Variants in ZNF746 observed in about 807,000 individuals in gnomAD.
ZNF746 encodes the protein parkin-interacting substrate.
In ZNF746, 13 loss-of-function variants were observed where a neutral mutation model predicts 41.0. The ratio of observed to expected loss-of-function variants is 0.32; its 90% CI spans 0.21 to 0.50. The LOEUF is 0.50. Ranked by LOEUF, ZNF746 falls within the 20% of genes least tolerant of loss-of-function variation. The probability of loss-of-function intolerance (pLI) is 0.98; values close to 1 mark genes in which losing one functional copy is unlikely to be tolerated. For synonymous variants in ZNF746, 424 were observed against 396.2 expected, an observed-to-expected ratio of 1.07 and a Z score of -0.83; for missense variants, 811 against 922.9, an observed-to-expected ratio of 0.88 and a Z score of 1.57.
intron 6 of ZNF746, 78 bp downstream of exon 6, chr7:149,476,844 G>A (rs1277651027): frequency 6.2e-7 from 1 of 1,602,166 alleles, no homozygotes; most frequent in East Asian, 2.2e-5. Flanking sequence ...CAGTTCACCA[G>A]TGAAAATGGG....
At position 149,474,754 on chromosome 7, in the gene ZNF746, G is replaced by A; in HGVS notation, c.1613C>T (p.Pro538Leu). Reference protein sequence around the residue: ...CGECGRCFTRPAHLIRHRMLH... With the variant: ...CGECGRCFTRLAHLIRHRMLH... ...CATGCGATGGCGGATGAGGTGCGCG[G>A]GGCGCGTGAAGCAACGGCCGCACTC... The change falls in exon 7 of 7, where the codon CCC becomes CTC. Residue 538 changes from proline to leucine, a missense_variant. Transcript: ENST00000458143. The surrounding 1 kb of genome is among the most constrained non-coding windows in gnomAD (Gnocchi z 6.3). 1 of 1,597,034 alleles carries A rather than the reference G, an allele frequency of 6.3e-7. No individual in the cohort carries two copies. The highest frequency in any genetic ancestry group is 8.5e-7 in the Non-Finnish European group (1 of 1,174,812).
intron 4 of ZNF746, chr7:149,489,425 G>A (rs1800729777): frequency 1.3e-5 from 2 of 152,160 alleles, no homozygotes; most frequent in African/African-American, 4.8e-5. Flanking sequence ...CCTGACATAC[G>A]ATGAATCTAT....
chr7:149,496,422 G>T (rs1409633125), intron 1 of ZNF746, among the ~76,000 whole-genome samples: 3 of 152,160 alleles, frequency 2.0e-5, no homozygotes, highest in Non-Finnish European at 4.4e-5. Context: ...GGAGCTGATG[G>T]TAAGAGGAGC....
At chr7:149,481,420 G>A (rs1800481095) in intron 4 of ZNF746, among the ~76,000 whole-genome samples, 1 of 152,174 alleles carries the variant, frequency 6.6e-6, no homozygotes, top group Non-Finnish European at 1.5e-5. Context: ...TATGTAGATA[G>A]TTGCTACACT....
At position 149,474,530 on chromosome 7, in the gene ZNF746, G is replaced by A. The variant is rs756247448; in HGVS notation, c.1837C>T (p.Arg613Ter). The change falls in exon 7 of 7, where the codon CGA (arginine) becomes TGA (stop). Residue 613 changes from arginine to a stop codon, truncating the protein, a stop_gained. Coordinates refer to ENST00000458143, the MANE Select transcript of ZNF746 (RefSeq NM_001394198.1). LOFTEE classifies it high-confidence loss of function. The surrounding 1 kb of genome is among the most constrained non-coding windows in gnomAD (Gnocchi z 6.3). ...NHAAGAKTPA[R>*]GQPLPTPPAP... ...GGCGGCGTCGGGAGTGGCTGGCCTC[G>A]GGCCGGGGTCTTGGCGCCCGCTGCA... 3.1e-5 allele frequency: 49 copies of A among 1,606,342 alleles called. No homozygotes were observed. The highest frequency in any genetic ancestry group is 3.8e-5 in the Non-Finnish European group (45 of 1,176,730).
chr7:149,473,994 C>T lies in ZNF746; in HGVS notation c.*390G>A, dbSNP rs1800189229. On this transcript the variant is annotated 3_prime_UTR_variant, in exon 7 of 7. Coordinates refer to ENST00000458143, the MANE Select transcript of ZNF746 (RefSeq NM_001394198.1). ...GGCCAGGGGTCCCCAACTGGCCAAC[C>T]TTCCAACACACTATCAGACTCAGTG... is the stretch of plus-strand genomic sequence containing the variant. The T allele has an allele frequency of 1.1e-5, 3 of 273,268 alleles. No individual in the cohort carries two copies. Among genetic ancestry groups the T allele is most frequent in the Non-Finnish European group, 2.1e-5 (3 of 140,258 alleles). The allele number at this position is 273,268 out of a possible 1,614,324, so 16.9% of individuals were successfully genotyped here.
At chr7:149,492,816 T>C (rs914751551) in intron 4 of ZNF746, 43 bp downstream of exon 4, 1 of 1,411,486 alleles carries the variant, frequency 7.1e-7, no homozygotes, top group Admixed American at 1.8e-5. Context: ...CTCTGTTTCC[T>C]GCACAATACC....
intron 4 of ZNF746, chr7:149,491,057 T>C (rs1348935170): frequency 1.3e-5 from 2 of 152,302 alleles, no homozygotes; most frequent in Non-Finnish European, 2.9e-5. Context: ...AGTGGAGGGA[T>C]GTGCAGGAGG....
At chr7:149,490,961 G>C (rs1409242027) in intron 4 of ZNF746, 1 of 152,556 alleles carries the variant, frequency 6.6e-6, no homozygotes, top group African/African-American at 2.4e-5. Context: ...CAAGCACTCA[G>C]AGGGCTGCAG....
rs1252989712 is a variant in ZNF746, at chr7:149,472,892, C to T, written c.*1492G>A. ...GAAGTGTAAACAGGTACAAAATATA[C>T]AGTACATAGAAACAATTTTCTTAAC... On this transcript the variant is annotated 3_prime_UTR_variant, in exon 7 of 7. Coordinates refer to ENST00000458143, the MANE Select transcript of ZNF746 (RefSeq NM_001394198.1). The T allele has an allele frequency of 1.3e-5, 2 of 152,538 alleles. No homozygotes were observed. Among genetic ancestry groups the T allele is most frequent in the Non-Finnish European group, 2.9e-5 (2 of 68,028 alleles). 9.4% of individuals were successfully genotyped at this position (152,538 alleles called of 1,614,324 possible).
intron 4 of ZNF746, 50 bp from the exon 5 acceptor site, chr7:149,477,805 T>G: frequency 1.4e-6 from 2 of 1,478,416 alleles, no homozygotes; most frequent in Non-Finnish European, 1.8e-6. Context: ...CCCTCAGCCC[T>G]GGGGCATACA....
chr7:149,483,493 G>A (rs1013643829), intron 4 of ZNF746, among the ~76,000 whole-genome samples: 1 of 152,106 alleles, frequency 6.6e-6, no homozygotes, highest in African/African-American at 2.4e-5. Flanking sequence ...TGTAGTCCCA[G>A]CTACTCGGGA....
At chr7:149,481,231 A>C (rs1301634369) in intron 4 of ZNF746, among the ~76,000 whole-genome samples, 1 of 152,248 alleles carries the variant, frequency 6.6e-6, no homozygotes, top group Non-Finnish European at 1.5e-5. Flanking sequence ...TTTCCACTAC[A>C]GTTGTCCCTT....
At chr7:149,476,831 G>C (rs1800316495) in intron 6 of ZNF746, 91 bp downstream of exon 6, 5 of 1,572,400 alleles carry the variant, frequency 3.2e-6, no homozygotes, top group Non-Finnish European at 3.5e-6. Flanking sequence ...TGGAAGGTCA[G>C]AGCAGTTCAC....
At chr7:149,488,604 T>C (rs1355928437) in intron 4 of ZNF746, 3 of 152,018 alleles carry the variant, frequency 2.0e-5, no homozygotes, top group Non-Finnish European at 4.4e-5. Flanking sequence ...AATAATCGTA[T>C]AAAAAGGGCG....
At position 149,474,870 on chromosome 7, in the gene ZNF746, C is replaced by T. The variant is rs1046097709; in HGVS notation, c.1497G>A (p.Pro499=). The part of the protein sequence containing the change: ...RSCGAPDGSG[P]GTGGGGSGSG... ...TGCCGCTGCCGCCACCGCCTGTGCC[C>T]GGGCCCGACCCGTCGGGCGCCCCAC... Residue 499 remains proline (P), a synonymous_variant, in exon 7 of 7, where the codon CCG becomes CCA. Coordinates refer to ENST00000458143, the MANE Select transcript of ZNF746 (RefSeq NM_001394198.1). The surrounding 1 kb of genome is among the most constrained non-coding windows in gnomAD (Gnocchi z 6.3). The T allele has an allele frequency of 2.0e-6, 3 of 1,488,110 alleles. No individual in the cohort carries two copies. Among genetic ancestry groups the T allele is most frequent in the Non-Finnish European group, 2.7e-6 (3 of 1,125,488 alleles). 92.2% of individuals were successfully genotyped at this position (1,488,110 alleles called of 1,614,324 possible). A position where few individuals can be genotyped will look rare whatever the true frequency, so the allele number is the denominator to read the frequency against.
At chr7:149,478,067 GA>G (rs750864216) in intron 4 of ZNF746, among the ~76,000 whole-genome samples, 1 of 152,100 alleles carries the variant, frequency 6.6e-6, no homozygotes, top group Non-Finnish European at 1.5e-5. Context: ...GCCCTCACTT[GA>G]AACACAAGAA....
intron 3 of ZNF746, among the ~76,000 whole-genome samples, 188 bp from the exon 4 acceptor site, chr7:149,493,160 C>G (rs1800866726): frequency 6.6e-6 from 1 of 152,090 alleles, no homozygotes; most frequent in Non-Finnish European, 1.5e-5. Context: ...GTTGTCATGC[C>G]CAGGGCTGGG....
chr7:149,497,155 G>C lies in ZNF746; in HGVS notation c.24+358C>G, dbSNP rs752072678. ...GGCCGCTGCGGGGGAGATGGAGAGG[G>C]ACCTACAGGCCGAGCGCCAGGCAGA... On this transcript the variant is annotated intron_variant, in intron 1 of 6. Coordinates refer to ENST00000458143, the MANE Select transcript of ZNF746 (RefSeq NM_001394198.1). This position sits in a 1 kb window ranked among gnomAD's most constrained non-coding sequence, Gnocchi z 4.2. The C allele has an allele frequency of 7.1e-6, 7 of 985,358 alleles. No homozygotes were observed. The highest frequency in any genetic ancestry group is 6.0e-6 in the Non-Finnish European group (5 of 829,916). 61.0% of individuals were successfully genotyped at this position (985,358 alleles called of 1,614,324 possible).
Sources: allele counts gnomAD v4.1 joint callset (sites outside exome capture counted in the v4.1 genomes callset), GRCh38; gene constraint gnomAD v4.1.1; non-coding constraint Gnocchi (gnomAD v3.1); transcripts MANE v1.5; gene names NCBI Gene and HGNC (gene_info 2026-07-23, HGNC 2026-07-21).